SEMA7A: variants seen among roughly 807,000 people sequenced by gnomAD.
SEMA7A encodes the protein semaphorin-7A.
Under a neutral mutation model 67.5 loss-of-function variants are expected in SEMA7A, and 21 were observed. The observed-to-expected ratio is 0.31, with a 90% CI of 0.22 to 0.45. The LOEUF is 0.45. Among genes scored for constraint, SEMA7A ranks in the 20% least tolerant of loss-of-function variants. The pLI is 1.00. For missense variants in SEMA7A, 774 were observed against 908.6 expected (o/e 0.85, Z 1.90); for synonymous variants, 364 against 368.5 (o/e 0.99, Z 0.14).
Position 74,423,410 on chromosome 15 carries a change from G to A in SEMA7A, c.179-4458C>T, listed in dbSNP as rs1460649825. 1.3e-5 allele frequency among the ~76,000 whole-genome samples: 2 copies of A among 152,156 alleles called. No homozygotes were observed. Among genetic ancestry groups the A allele is most frequent in the East Asian group, 1.9e-4 (1 of 5,188 alleles). Reference sequence around the variant, plus strand: ...TGAACTGAAGGACACAGAGGCCAGAGAGGCTGTACCACCGGCCCAAGGACA... The same window carrying A: ...TGAACTGAAGGACACAGAGGCCAGAAAGGCTGTACCACCGGCCCAAGGACA... On this transcript the variant is annotated intron_variant, in intron 1 of 13. Transcript: ENST00000261918. This position sits in a 1 kb window ranked among gnomAD's most constrained non-coding sequence, Gnocchi z 4.1.
chr15:74,416,123 G>T, intron 7 of SEMA7A, 138 bp from the exon 8 acceptor site: 1 of 845,706 alleles, frequency 1.2e-6, no homozygotes, highest in East Asian at 2.6e-5. Flanking sequence ...GACCTGCCGG[G>T]GGTGCCCCAG....
rs2060944368 is a variant in SEMA7A, at chr15:74,415,961, G to A, written c.826C>T (p.Leu276=). The change falls in exon 8 of 14, where the codon CTG becomes TTG. Residue 276 remains leucine, a synonymous_variant. Transcript: ENST00000261918. The part of the protein sequence containing the change: ...CRGDQGGESS[L]SVSKWNTFLK... ...AAAGTGTTCCACTTGGAGACTGACA[G>A]TGAACTTTCCCCACCCTGGTCCCCC... 6.2e-7 allele frequency: 1 copy of A among 1,614,082 alleles called. No individual in the cohort carries two copies. The highest frequency in any genetic ancestry group is 8.5e-7 in the Non-Finnish European group (1 of 1,179,958).
intron 1 of SEMA7A, among the ~76,000 whole-genome samples, chr15:74,431,339 C>A (rs551498524): frequency 5.4e-4 from 83 of 152,354 alleles, no homozygotes; most frequent in Middle Eastern, 6.8e-3. Flanking sequence ...TACGCTGTGC[C>A]AGACTTTCAT....
Position 74,418,786 on chromosome 15 carries a change from AAGAG to A in SEMA7A, c.330+11_330+14del. ...AAGAGGGTAGGGGGGGTGTTGGGGG[AAGAG>A]AGAGGCTCACCGTGCGCACAGATGC... On this transcript the variant is annotated intron_variant, in intron 2 of 13. Coordinates refer to ENST00000261918, the MANE Select transcript of SEMA7A (RefSeq NM_003612.5). The A allele has an allele frequency of 6.2e-7, 1 of 1,611,710 alleles. No homozygotes were observed. Among genetic ancestry groups the A allele is most frequent in the Non-Finnish European group, 8.5e-7 (1 of 1,178,922 alleles).
chr15:74,432,477 G>A (rs778657894), intron 1 of SEMA7A, among the ~76,000 whole-genome samples: 1 of 152,146 alleles, frequency 6.6e-6, no homozygotes, highest in Non-Finnish European at 1.5e-5. Context: ...CCAGAACCTG[G>A]ACTGGTCCTG....
At chr15:74,413,211 T>C (rs1366940990) in intron 10 of SEMA7A, among the ~76,000 whole-genome samples, 3 of 152,218 alleles carry the variant, frequency 2.0e-5, no homozygotes, top group Admixed American at 2.0e-4. Context: ...CATACTGCCC[T>C]ATACCTCCTT....
At chr15:74,427,667 A>G (rs1357104859) in intron 1 of SEMA7A, among the ~76,000 whole-genome samples, 3 of 151,532 alleles carry the variant, frequency 2.0e-5, no homozygotes, top group Admixed American at 1.3e-4. Flanking sequence ...CTCTGCCCCC[A>G]CCCTATGCTC....
Position 74,410,298 on chromosome 15 carries a change from A to G in SEMA7A, c.*326T>C. 1 of 304,646 alleles carries G rather than the reference A, an allele frequency of 3.3e-6. No homozygotes were observed. Among genetic ancestry groups the G allele is most frequent in the Non-Finnish European group, 6.0e-6 (1 of 165,912 alleles). 18.9% of individuals were successfully genotyped at this position (304,646 alleles called of 1,614,324 possible). A position where few individuals can be genotyped will look rare whatever the true frequency, so the allele number is the denominator to read the frequency against. ...CCTATCCAAACCCACTCCCCGACCC[A>G]TGGGCTCTTGGGCTGGGAGCATCGC... On this transcript the variant is annotated 3_prime_UTR_variant, in exon 14 of 14. Coordinates refer to ENST00000261918, the MANE Select transcript of SEMA7A (RefSeq NM_003612.5). The surrounding 1 kb of genome is among the most constrained non-coding windows in gnomAD (Gnocchi z 7.5).
At position 74,423,097 on chromosome 15, in the gene SEMA7A, C is replaced by G. The variant is rs2061014150; in HGVS notation, c.179-4145G>C. Among the ~76,000 whole-genome samples, 1 of 152,364 alleles carries G rather than the reference C, an allele frequency of 6.6e-6. No homozygotes were observed. Among genetic ancestry groups the G allele is most frequent in the South Asian group, 2.1e-4 (1 of 4,830 alleles). On this transcript the variant is annotated intron_variant, in intron 1 of 13. Coordinates refer to ENST00000261918, the MANE Select transcript of SEMA7A (RefSeq NM_003612.5). This position sits in a 1 kb window ranked among gnomAD's most constrained non-coding sequence, Gnocchi z 4.1. ...AAAATGGCAGGAATGTGGGCACCCCCACAGAGAATGCCTAAGTCAGGCAGT... is the reference window on the plus strand; with the variant it reads ...AAAATGGCAGGAATGTGGGCACCCCGACAGAGAATGCCTAAGTCAGGCAGT...
chr15:74,417,944 A>G lies in SEMA7A; in HGVS notation c.398T>C (p.Leu133Pro), dbSNP rs1245743319. ...CAGCAGCCCCTCACTCCGCCTCTCC[A>G]GGAGAGTGATGTAGTTCTCGCAGTC... is the stretch of plus-strand genomic sequence containing the variant. ...KRDCENYITLLERRSEGLLAC... is the reference protein window; with the variant it reads ...KRDCENYITLPERRSEGLLAC... Residue 133 changes from leucine to proline, a missense_variant, in exon 4 of 14, where the codon CTG becomes CCG. Leu to Pro is a moderately conservative substitution (Grantham distance 98). Coordinates refer to ENST00000261918, the MANE Select transcript of SEMA7A (RefSeq NM_003612.5). 1.2e-6 allele frequency: 2 copies of G among 1,613,254 alleles called. No individual in the cohort carries two copies. Among genetic ancestry groups the G allele is most frequent in the Non-Finnish European group, 1.7e-6 (2 of 1,179,994 alleles).
Position 74,409,495 on chromosome 15 carries a change from C to G in SEMA7A, c.*1129G>C, listed in dbSNP as rs905555900. ...CCTGGAGAGCTCGGCCCAGGCCATC[C>G]CCACCGGAATTTTCACAGTTTAGCC... is the stretch of plus-strand genomic sequence containing the variant. On this transcript the variant is annotated 3_prime_UTR_variant, in exon 14 of 14. Transcript: ENST00000261918. 2 of 152,294 alleles carry G rather than the reference C, an allele frequency of 1.3e-5. No homozygotes were observed. Among genetic ancestry groups the G allele is most frequent in the Non-Finnish European group, 2.9e-5 (2 of 68,098 alleles). 9.4% of individuals were successfully genotyped at this position (152,294 alleles called of 1,614,324 possible). A position where few individuals can be genotyped will look rare whatever the true frequency, so the allele number is the denominator to read the frequency against.
chr15:74,417,562 CT>C, intron 5 of SEMA7A, 28 bp downstream of exon 5: 1 of 1,605,330 alleles, frequency 6.2e-7, no homozygotes, highest in Non-Finnish European at 8.5e-7. Flanking sequence ...AAGCATCCCC[CT>C]GGGGCGCCTG....
intron 1 of SEMA7A, among the ~76,000 whole-genome samples, chr15:74,419,836 C>A (rs756719511): frequency 6.6e-6 from 1 of 152,148 alleles, no homozygotes; most frequent in Non-Finnish European, 1.5e-5. Flanking sequence ...AAGGGCTGAC[C>A]GGGAAAATTT....
At position 74,433,838 on chromosome 15, in the gene SEMA7A, A is replaced by G; in HGVS notation, c.81T>C (p.Leu27=). The G allele has an allele frequency of 6.7e-6, 9 of 1,348,342 alleles. No homozygotes were observed. The highest frequency in any genetic ancestry group is 8.5e-6 in the Non-Finnish European group (9 of 1,055,974). The allele number at this position is 1,348,342 out of a possible 1,614,324, so 83.5% of individuals were successfully genotyped here. A position where few individuals can be genotyped will look rare whatever the true frequency, so the allele number is the denominator to read the frequency against. ...RVPGPPARLG[L]PLRLRLLLLL... is the part of the protein sequence containing the mutation. ...GCAGCAGCAGCCGCAGCCGCAGCGG[A>G]AGCCCCAACCGAGCCGGCGGGCCAG... The change falls in exon 1 of 14, where the codon CTT becomes CTC. Residue 27 remains leucine (L), a synonymous_variant. Coordinates refer to ENST00000261918, the MANE Select transcript of SEMA7A (RefSeq NM_003612.5).
At chr15:74,418,457 G>A in intron 2 of SEMA7A, 148 bp from the exon 3 acceptor site, 1 of 802,724 alleles carries the variant, frequency 1.2e-6, no homozygotes, top group Non-Finnish European at 2.1e-6. Context: ...GAGGGTGAGT[G>A]ATCTACCTGA....
rs535622494 is a variant in SEMA7A, at chr15:74,414,748, G to A, written c.1096-3C>T. ...ATCGGCTGCTGGTCTGGGAGGCACT[G>A]GGCAAGGAGAGCAGGCCCAGGTCAG... is the stretch of plus-strand genomic sequence containing the variant. On this transcript the variant is annotated splice_polypyrimidine_tract_variant and splice_region_variant and intron_variant, in intron 9 of 13. Transcript: ENST00000261918. This position sits in a 1 kb window ranked among gnomAD's most constrained non-coding sequence, Gnocchi z 4.1. 3.1e-6 allele frequency: 5 copies of A among 1,614,014 alleles called. No individual in the cohort carries two copies. Among genetic ancestry groups the A allele is most frequent in the Middle Eastern group, 1.6e-4 (1 of 6,084 alleles).
In SEMA7A at chr15:74,433,877, C is replaced by T; in HGVS notation, c.42G>A (p.Pro14=). The T allele has an allele frequency of 3.1e-6, 4 of 1,275,788 alleles. No individual in the cohort carries two copies. The highest frequency in any genetic ancestry group is 2.9e-5 in the South Asian group (1 of 34,700). The allele number at this position is 1,275,788 out of a possible 1,614,324, so 79.0% of individuals were successfully genotyped here. ...PPPGRAAPSA[P]RARVPGPPAR... ...CCGGCGGGCCAGGGACGCGGGCGCGCGGTGCGCTGGGGGCGGCACGTCCGG... is the reference window on the plus strand; with the variant it reads ...CCGGCGGGCCAGGGACGCGGGCGCGTGGTGCGCTGGGGGCGGCACGTCCGG... Residue 14 remains proline, a synonymous_variant, in exon 1 of 14, where the codon CCG becomes CCA. Coordinates refer to ENST00000261918, the MANE Select transcript of SEMA7A (RefSeq NM_003612.5).
intron 1 of SEMA7A, chr15:74,427,196 G>C (rs2061050788): frequency 2.0e-6 from 2 of 985,228 alleles, no homozygotes; most frequent in Middle Eastern, 5.2e-4. Flanking sequence ...TCTTCGCTCA[G>C]ATCATGCTGT....
At chr15:74,419,471 C>T (rs1411435619) in intron 1 of SEMA7A, among the ~76,000 whole-genome samples, 4 of 152,180 alleles carry the variant, frequency 2.6e-5, no homozygotes. Context: ...CTCAGAACCC[C>T]TTCTCCTCCT....
Sources: allele counts gnomAD v4.1 joint callset (sites outside exome capture counted in the v4.1 genomes callset), GRCh38; gene constraint gnomAD v4.1.1; non-coding constraint Gnocchi (gnomAD v3.1); transcripts MANE v1.5; gene names NCBI Gene and HGNC (gene_info 2026-07-23, HGNC 2026-07-21).